The following NFIX variants were observed in gnomAD, a reference collection of about 807,000 sequenced individuals.
NFIX encodes the protein nuclear factor I X.
Under a neutral mutation model 53.3 loss-of-function variants are expected in NFIX, and 2 were observed. That is an observed-to-expected ratio of 0.04 (90% confidence interval 0.02 to 0.12). The LOEUF (loss-of-function observed/expected upper bound fraction) is 0.12. Ranked by LOEUF, NFIX falls within the 10% of genes least tolerant of loss-of-function variation. The pLI, the probability that NFIX is intolerant of heterozygous loss-of-function variation, is 1.00. For synonymous variants in NFIX, 244 were observed against 289.0 expected (o/e 0.84, Z 1.58); for missense variants, 310 against 674.5 (o/e 0.46, Z 5.99).
chr19:13,016,531 A>G (rs1487790525), intron 1 of NFIX, among the ~76,000 whole-genome samples: 1 of 100,016 alleles, frequency 1.0e-5, no homozygotes, highest in Non-Finnish European at 2.0e-5. Flanking sequence ...CCGCCCCCGC[A>G]TTGCCACCTC....
In NFIX at chr19:13,067,997, C is replaced by T. The variant is rs554067311; in HGVS notation, c.560-5050C>T. 9.2e-5 allele frequency among the ~76,000 whole-genome samples: 14 copies of T among 151,700 alleles called. No individual in the cohort carries two copies. Among genetic ancestry groups the T allele is most frequent in the South Asian group, 2.1e-4 (1 of 4,780 alleles). On this transcript the variant is annotated intron_variant, in intron 2 of 10. Coordinates refer to ENST00000592199, the MANE Select transcript of NFIX (RefSeq NM_001365902.3). This position sits in a 1 kb window ranked among gnomAD's most constrained non-coding sequence, Gnocchi z 4.2. Reference sequence around the variant, plus strand: ...ACAGGTGCCTGTAGTTCCCAGTACTCGGGAGGCTGAGGCAGGAGAATGGCG... The same window carrying T: ...ACAGGTGCCTGTAGTTCCCAGTACTTGGGAGGCTGAGGCAGGAGAATGGCG...
intron 5 of NFIX, among the ~76,000 whole-genome samples, chr19:13,074,472 G>T (rs574429118): frequency 6.6e-6 from 1 of 152,226 alleles, no homozygotes; most frequent in Admixed American, 6.5e-5. Context: ...TCCCTGGGTA[G>T]TGGGGACCCC....
chr19:13,067,424 G>A lies in NFIX; in HGVS notation c.560-5623G>A, dbSNP rs1008813718. ...CCATCTCACTCCACCCTTTCTGGAC[G>A]GCAAGAAGTGGTTAGTGGCACCTCC... On this transcript the variant is annotated intron_variant, in intron 2 of 10. Transcript: ENST00000592199. This position sits in a 1 kb window ranked among gnomAD's most constrained non-coding sequence, Gnocchi z 4.2. 6.6e-6 allele frequency among the ~76,000 whole-genome samples: 1 copy of A among 152,070 alleles called. No individual in the cohort carries two copies. The highest frequency in any genetic ancestry group is 1.9e-4 in the East Asian group (1 of 5,196).
chr19:13,060,937 A>T lies in NFIX; in HGVS notation c.560-12110A>T, dbSNP rs1311485373. On this transcript the variant is annotated intron_variant, in intron 2 of 10. Coordinates refer to ENST00000592199, the MANE Select transcript of NFIX (RefSeq NM_001365902.3). This position sits in a 1 kb window ranked among gnomAD's most constrained non-coding sequence, Gnocchi z 4.3. ...CTCTGGTTCCTGATCTCTGACTTTT[A>T]TTCTCCATTTTTTCACTTTTTATGG... Among the ~76,000 whole-genome samples the T allele has an allele frequency of 2.0e-5, 3 of 150,978 alleles. No individual in the cohort carries two copies. The highest frequency in any genetic ancestry group is 4.4e-5 in the Non-Finnish European group (3 of 67,768).
intron 1 of NFIX, among the ~76,000 whole-genome samples, chr19:13,017,224 A>ATGGTCC (rs2012717811): frequency 6.6e-6 from 1 of 152,116 alleles, no homozygotes; most frequent in South Asian, 2.1e-4. Flanking sequence ...AGGGGTGGGC[A>ATGGTCC]TGGTCCGAGC....
intron 2 of NFIX, among the ~76,000 whole-genome samples, chr19:13,059,774 A>ATTTTTTTTTTT (rs1555701795): frequency 8.1e-6 from 1 of 123,554 alleles, no homozygotes; most frequent in Non-Finnish European, 1.7e-5. Context: ...TTTAATTAGA[A>ATTTTTTTTTTT]TTCTTTTTTT....
At chr19:13,019,727 G>GTTTTTTT in intron 1 of NFIX, among the ~76,000 whole-genome samples, 1 of 124,030 alleles carries the variant, frequency 8.1e-6, no homozygotes, top group Non-Finnish European at 1.7e-5. Context: ...TTTTTTGTTT[G>GTTTTTTT]TTTGTTTTTT....
chr19:13,090,308 C>T lies in NFIX; in HGVS notation c.1412C>T (p.Thr471Met), dbSNP rs2145515567. 6.2e-7 allele frequency: 1 copy of T among 1,613,950 alleles called. No individual in the cohort carries two copies. The highest frequency in any genetic ancestry group is 1.3e-5 in the African/African-American group (1 of 75,054). ...CCCCTGCTCCCCACAGCATTCGCAA[C>T]GACAGGCGCCTCCTCTGCCAACCGG... The part of the protein sequence containing the change: ...ALTPPSPSFA[T>M]TGASSANRFV... Residue 471 changes from threonine (T) to methionine (M), a missense_variant, in exon 10 of 11, where the codon ACG becomes ATG. This residue lies in a region of NFIX where 44 missense variants were observed against 73.4 expected (regional missense o/e 0.60). Coordinates refer to ENST00000592199, the MANE Select transcript of NFIX (RefSeq NM_001365902.3). This position sits in a 1 kb window ranked among gnomAD's most constrained non-coding sequence, Gnocchi z 6.6.
In NFIX at chr19:13,023,069, T is replaced by TC. The variant is rs879619310; in HGVS notation, c.28-1952_28-1951insC. ...CCAAATAGGTGGATCCTTCTCTCTC[T>TC]TTCTCTCTCTCTCTCTCTCTCTCTC... On this transcript the variant is annotated intron_variant, in intron 1 of 10. Transcript: ENST00000592199. Among the ~76,000 whole-genome samples, 212 of 116,726 alleles carry TC rather than the reference T, an allele frequency of 1.8e-3. 3 individuals are homozygous for TC. The highest frequency in any genetic ancestry group is 9.5e-3 in the South Asian group (25 of 2,628). 76.6% of individuals were successfully genotyped at this position (116,726 alleles called of 152,430 possible).
rs1290715468 is a variant in NFIX at position 13,072,128 on chromosome 19, C to G, written c.560-919C>G. ...TCCTCCTGCCCCACAACCTGCCTGG[C>G]CCCCCTCCACCACCCTCTCGCCAGC... On this transcript the variant is annotated intron_variant, in intron 2 of 10. Coordinates refer to ENST00000592199, the MANE Select transcript of NFIX (RefSeq NM_001365902.3). The surrounding 1 kb of genome is among the most constrained non-coding windows in gnomAD (Gnocchi z 4.0). 6.6e-6 allele frequency among the ~76,000 whole-genome samples: 1 copy of G among 152,156 alleles called. No homozygotes were observed. The highest frequency in any genetic ancestry group is 1.9e-4 in the East Asian group (1 of 5,182).
Position 13,028,110 on chromosome 19 carries a change from T to TAA in NFIX, c.559+2562_559+2563dup. On this transcript the variant is annotated intron_variant, in intron 2 of 10. Coordinates refer to ENST00000592199, the MANE Select transcript of NFIX (RefSeq NM_001365902.3). This position sits in a 1 kb window ranked among gnomAD's most constrained non-coding sequence, Gnocchi z 4.2. The stretch of plus-strand genomic sequence containing the variant: ...GCTTCCTCCTTGAGCTGGCAAGAAA[T>TAA]AAAAACATTTCTTGCTTTGCTAGAA... Among the ~76,000 whole-genome samples, 1 of 152,282 alleles carries TAA rather than the reference T, an allele frequency of 6.6e-6. No homozygotes were observed. The highest frequency in any genetic ancestry group is 1.5e-5 in the Non-Finnish European group (1 of 68,020).
chr19:13,058,562 G>A (rs979318244), intron 2 of NFIX, among the ~76,000 whole-genome samples: 23 of 149,480 alleles, frequency 1.5e-4, no homozygotes, highest in Admixed American at 1.1e-3. Context: ...GACCACAGCT[G>A]CATGCTACCA....
intron 1 of NFIX, among the ~76,000 whole-genome samples, chr19:13,007,920 A>G (rs1309731301): frequency 6.6e-6 from 1 of 152,166 alleles, no homozygotes; most frequent in Non-Finnish European, 1.5e-5. Context: ...GCTGGCCCTG[A>G]ATGGACACAC....
chr19:13,017,192 G>A (rs762424483), intron 1 of NFIX, among the ~76,000 whole-genome samples: 6 of 152,242 alleles, frequency 3.9e-5, no homozygotes, highest in Admixed American at 1.3e-4. Context: ...AAAGGGAGCC[G>A]GGGAGGGACG....
intron 1 of NFIX, among the ~76,000 whole-genome samples, chr19:13,016,988 T>C (rs969245384): frequency 1.3e-5 from 2 of 152,180 alleles, no homozygotes; most frequent in Non-Finnish European, 2.9e-5. Flanking sequence ...AAAGGACTAG[T>C]GAACCGTGAT....
At chr19:13,075,773 C>T (rs1293768793) in intron 6 of NFIX, 102 bp downstream of exon 6, 12 of 1,342,658 alleles carry the variant, frequency 8.9e-6, no homozygotes, top group East Asian at 4.9e-5. Flanking sequence ...GTCCCCCTGT[C>T]GGGGGGCATT....
chr19:13,033,244 G>A lies in NFIX; in HGVS notation c.559+7692G>A, dbSNP rs184524205. ...TGTTGGCGTTAGAATAGGGTCCCAG[G>A]AGGAGGAGGGCCTAGGGAGGAGAAG... On this transcript the variant is annotated intron_variant, in intron 2 of 10. Coordinates refer to ENST00000592199, the MANE Select transcript of NFIX (RefSeq NM_001365902.3). Among the ~76,000 whole-genome samples the A allele has an allele frequency of 5.5e-3, 845 of 152,308 alleles. 2 individuals are homozygous for A. Among genetic ancestry groups the A allele is most frequent in the Non-Finnish European group, 9.3e-3 (635 of 68,014 alleles).
At chr19:13,059,777 CTTTTTTT>C (rs35128120) in intron 2 of NFIX, among the ~76,000 whole-genome samples, 49 of 60,340 alleles carry the variant, frequency 8.1e-4, no homozygotes, top group African/African-American at 3.0e-3. Flanking sequence ...AATTAGAATT[CTTTTTTT>C]TTTTTTTTTT....
chr19:13,087,554 CAGAG>C (rs1450681838), intron 8 of NFIX, among the ~76,000 whole-genome samples: 5 of 152,130 alleles, frequency 3.3e-5, no homozygotes, highest in Middle Eastern at 6.8e-3. Flanking sequence ...CGACAGCCCT[CAGAG>C]GGAGGCAGGC....
Sources: gnomAD v4.1 joint callset for allele counts (sites outside exome capture counted in the v4.1 genomes callset) on GRCh38, gnomAD v4.1.1 for gene constraint, gnomAD v4.1.1 regional missense constraint, Gnocchi (gnomAD v3.1) non-coding constraint, MANE v1.5 for transcripts, NCBI Gene and HGNC (gene_info 2026-07-23, HGNC 2026-07-21) for gene names.